WDR7: variants seen among roughly 807,000 people sequenced by gnomAD.
WDR7 encodes the protein WD repeat-containing protein 7.
WDR7 carries 46 observed loss-of-function variants against 169.4 expected under a neutral mutation model. The ratio of observed to expected loss-of-function variants is 0.27; its 90% CI spans 0.21 to 0.35. The LOEUF (loss-of-function observed/expected upper bound fraction) is 0.35. Among genes scored for constraint, WDR7 ranks in the 10% least tolerant of loss-of-function variants. The pLI, the probability that WDR7 is intolerant of heterozygous loss-of-function variation, is 1.00. For synonymous variants in WDR7, 612 were observed against 666.8 expected (o/e 0.92, Z 1.27); for missense variants, 1,534 against 1,859.3 (o/e 0.83, Z 3.22).
intron 19 of WDR7, among the ~76,000 whole-genome samples, chr18:56,794,304 A>ATTTTTTTTTTTATTTTTTTTTT (rs2044544422): frequency 2.0e-5 from 1 of 49,464 alleles, no homozygotes; most frequent in Non-Finnish European, 3.8e-5. Context: ...GGTAAAGTCT[A>ATTTTTTTTTTTATTTTTTTTTT]TTTTTTTTTT....
intron 16 of WDR7, among the ~76,000 whole-genome samples, chr18:56,775,197 T>TA (rs2044222429): frequency 6.6e-6 from 1 of 151,994 alleles, no homozygotes; most frequent in Non-Finnish European, 1.5e-5. Flanking sequence ...GAATTAAGAG[T>TA]AAAACCATGC....
intron 21 of WDR7, among the ~76,000 whole-genome samples, chr18:56,920,149 C>T (rs996795229): frequency 6.6e-6 from 1 of 152,022 alleles, no homozygotes. Flanking sequence ...TTGCCATGTT[C>T]CCTCTTATTT....
At chr18:57,021,170 G>A (rs1267321372) in intron 27 of WDR7, among the ~76,000 whole-genome samples, 1 of 152,188 alleles carries the variant, frequency 6.6e-6, no homozygotes, top group Non-Finnish European at 1.5e-5. Context: ...CAGGGGAAGT[G>A]ACACCTAAAC....
intron 4 of WDR7, among the ~76,000 whole-genome samples, chr18:56,682,373 T>C (rs2025366038): frequency 6.6e-6 from 1 of 152,256 alleles, no homozygotes; most frequent in Non-Finnish European, 1.5e-5. Flanking sequence ...TCAACAGTTC[T>C]GTTTTAGATG....
At chr18:57,023,739 A>T (rs1194494153) in intron 27 of WDR7, among the ~76,000 whole-genome samples, 1 of 152,242 alleles carries the variant, frequency 6.6e-6, no homozygotes, top group Non-Finnish European at 1.5e-5. Context: ...TTGGCATTTG[A>T]GCAAGAGGAG....
chr18:56,753,524 C>A (rs2043826628), intron 14 of WDR7, among the ~76,000 whole-genome samples: 1 of 152,086 alleles, frequency 6.6e-6, no homozygotes, highest in African/African-American at 2.4e-5. Flanking sequence ...ACATAGTAGA[C>A]ATAAAATGTT....
intron 20 of WDR7, among the ~76,000 whole-genome samples, chr18:56,832,354 T>A (rs2045326350): frequency 6.6e-6 from 1 of 152,172 alleles, no homozygotes; most frequent in African/African-American, 2.4e-5. Flanking sequence ...AGACTTTAGA[T>A]AAAACTCCCA....
chr18:57,032,425 A>C (rs2048445876), downstream of WDR7: 1 of 152,170 alleles, frequency 6.6e-6, no homozygotes, highest in Non-Finnish European at 1.5e-5. Context: ...CCCAAATTTG[A>C]AATGTATTCT....
chr18:56,847,645 C>G (rs1434038146), intron 20 of WDR7, among the ~76,000 whole-genome samples: 1 of 152,178 alleles, frequency 6.6e-6, no homozygotes, highest in Non-Finnish European at 1.5e-5. Context: ...GAAAGAATGG[C>G]TTTGAGGGCC....
chr18:56,790,447 A>C (rs1159534668), intron 19 of WDR7, among the ~76,000 whole-genome samples: 1 of 152,184 alleles, frequency 6.6e-6, no homozygotes, highest in Non-Finnish European at 1.5e-5. Flanking sequence ...CATATGACAG[A>C]ATAGATCTTA....
At chr18:56,917,154 GCCGTTGCACT>G (rs1568265717) in intron 21 of WDR7, among the ~76,000 whole-genome samples, 1 of 151,918 alleles carries the variant, frequency 6.6e-6, no homozygotes, top group Non-Finnish European at 1.5e-5. Flanking sequence ...CCGAGATCAT[GCCGTTGCACT>G]CCAGCCTGGG....
At chr18:56,806,259 T>G (rs2044771468) in intron 19 of WDR7, among the ~76,000 whole-genome samples, 1 of 152,204 alleles carries the variant, frequency 6.6e-6, no homozygotes, top group Admixed American at 6.6e-5. Context: ...TCAAAAAAGT[T>G]AAATGAATAA....
chr18:56,730,725 C>T (rs944474847), intron 13 of WDR7, among the ~76,000 whole-genome samples: 14 of 152,050 alleles, frequency 9.2e-5, no homozygotes, highest in Non-Finnish European at 1.5e-5. Flanking sequence ...AAGATCGCGC[C>T]ATTGCACTCC....
intron 17 of WDR7, among the ~76,000 whole-genome samples, chr18:56,778,940 T>C (rs1599036528): frequency 2.0e-5 from 3 of 152,170 alleles, no homozygotes; most frequent in Admixed American, 2.0e-4. Flanking sequence ...TAATGAGAGG[T>C]CCTCTGACAG....
chr18:56,740,342 C>A (rs563370150), intron 14 of WDR7, among the ~76,000 whole-genome samples: 7 of 151,882 alleles, frequency 4.6e-5, no homozygotes, highest in African/African-American at 1.7e-4. Context: ...CATATTAATC[C>A]TAATTTTCTT....
intron 1 of WDR7, among the ~76,000 whole-genome samples, chr18:56,667,606 C>T (rs2025051406): frequency 6.6e-6 from 1 of 152,098 alleles, no homozygotes; most frequent in South Asian, 2.1e-4. Flanking sequence ...ATTGTCGATA[C>T]TTCCCTAGGC....
intron 26 of WDR7, among the ~76,000 whole-genome samples, chr18:56,993,955 A>G (rs961553971): frequency 2.0e-5 from 3 of 151,890 alleles, no homozygotes; most frequent in African/African-American, 7.3e-5. Context: ...TTTGAATGGA[A>G]CAAGTGTCAT....
At chr18:56,989,301 G>GA (rs1201771914) in intron 26 of WDR7, among the ~76,000 whole-genome samples, 1 of 152,144 alleles carries the variant, frequency 6.6e-6, no homozygotes, top group Admixed American at 6.5e-5. Context: ...ATATTCTAAA[G>GA]AAAATCCTTG....
intron 20 of WDR7, among the ~76,000 whole-genome samples, chr18:56,861,165 T>G (rs1007586073): frequency 5.9e-5 from 9 of 152,184 alleles, no homozygotes; most frequent in Admixed American, 1.3e-4. Flanking sequence ...CTTTGATAAA[T>G]AAATAGATCA....
Sources: gnomAD v4.1 joint callset for allele counts (sites outside exome capture counted in the v4.1 genomes callset) on GRCh38, gnomAD v4.1.1 for gene constraint, MANE v1.5 for transcripts, NCBI Gene and HGNC (gene_info 2026-07-23, HGNC 2026-07-21) for gene names.